The following IGSF3 variants were observed in gnomAD, a reference collection of about 807,000 sequenced individuals.
The protein encoded by IGSF3 is glu-Trp-Ile EWI motif-containing protein 3.
Under a neutral mutation model 114.4 loss-of-function variants are expected in IGSF3, and 23 were observed. That is an observed-to-expected ratio of 0.20 (90% CI 0.14 to 0.28). The LOEUF (loss-of-function observed/expected upper bound fraction) is 0.28, where lower values mean the gene tolerates loss of function less well. Among genes scored for constraint, IGSF3 ranks in the 10% least tolerant of loss-of-function variants. IGSF3 has a pLI of 1.00. For synonymous variants in IGSF3, 571 were observed against 645.2 expected (o/e 0.88, Z 1.74); for missense variants, 1,172 against 1,591.5 (o/e 0.74, Z 4.48).
At position 116,651,851 on chromosome 1, in the gene IGSF3, T is replaced by A. The variant is rs1045248291; in HGVS notation, c.43+14433A>T. On this transcript the variant is annotated intron_variant, in intron 2 of 10. Coordinates refer to ENST00000369486, the MANE Select transcript of IGSF3 (RefSeq NM_001007237.3). The surrounding 1 kb of genome is among the most constrained non-coding windows in gnomAD (Gnocchi z 4.4). Reference sequence around the variant, plus strand: ...GTACAATCCAACTTCAGGATTGTAATTAATTATAAATGCATTTATTTGTTT... The same window carrying A: ...GTACAATCCAACTTCAGGATTGTAAATAATTATAAATGCATTTATTTGTTT... Among the ~76,000 whole-genome samples, 10 of 152,206 alleles carry A rather than the reference T, an allele frequency of 6.6e-5. No individual in the cohort carries two copies. Among genetic ancestry groups the A allele is most frequent in the Non-Finnish European group, 1.5e-4 (10 of 68,034 alleles).
intron 2 of IGSF3, among the ~76,000 whole-genome samples, chr1:116,641,740 G>A (rs1020960806): frequency 1.3e-5 from 2 of 151,818 alleles, no homozygotes; most frequent in Admixed American, 1.3e-4. Flanking sequence ...ATTTTGCACT[G>A]TGTTATTATT....
Position 116,577,156 on chromosome 1 carries a change from G to T in IGSF3, c.*156C>A. On this transcript the variant is annotated 3_prime_UTR_variant, in exon 11 of 11. Transcript: ENST00000369486. This position sits in a 1 kb window ranked among gnomAD's most constrained non-coding sequence, Gnocchi z 5.7. ...CAAGACTGCCACCGAGAGGCAGTCT[G>T]TCTCTGTGACTGACTGGGAACTTGG... 1 of 758,474 alleles carries T rather than the reference G, an allele frequency of 1.3e-6. No individual in the cohort carries two copies. The highest frequency in any genetic ancestry group is 2.1e-6 in the Non-Finnish European group (1 of 479,038). 47.0% of individuals were successfully genotyped at this position (758,474 alleles called of 1,614,324 possible).
chr1:116,656,836 G>A (rs948647091), intron 2 of IGSF3, among the ~76,000 whole-genome samples: 1 of 152,068 alleles, frequency 6.6e-6, no homozygotes, highest in Non-Finnish European at 1.5e-5. Context: ...GCTAAGGCAG[G>A]AGAATCACTC....
In IGSF3 at chr1:116,594,939, C is replaced by G. The variant is rs1660278248; in HGVS notation, c.2029+5002G>C. Among the ~76,000 whole-genome samples the G allele has an allele frequency of 6.6e-6, 1 of 152,060 alleles. No homozygotes were observed. Among genetic ancestry groups the G allele is most frequent in the Non-Finnish European group, 1.5e-5 (1 of 68,022 alleles). On this transcript the variant is annotated intron_variant, in intron 7 of 10. Coordinates refer to ENST00000369486, the MANE Select transcript of IGSF3 (RefSeq NM_001007237.3). This position sits in a 1 kb window ranked among gnomAD's most constrained non-coding sequence, Gnocchi z 5.2. ...CCCCCGTTCATGCCCTGTGCTGGCT[C>G]TGCCTCCACACCTGTAACGCTTTTC...
At chr1:116,652,360 G>A (rs998167016) in intron 2 of IGSF3, among the ~76,000 whole-genome samples, 3 of 152,194 alleles carry the variant, frequency 2.0e-5, no homozygotes, top group Non-Finnish European at 4.4e-5. Flanking sequence ...AGCCTAGTTT[G>A]AGTTACAGTA....
intron 1 of IGSF3, among the ~76,000 whole-genome samples, 177 bp downstream of exon 1, chr1:116,667,441 C>A (rs1649384644): frequency 1.3e-5 from 2 of 152,076 alleles, no homozygotes; most frequent in Non-Finnish European, 2.9e-5. Context: ...CTTTCAGCTG[C>A]CGGAGCGCGC....
rs1020104570 is a variant in IGSF3 at position 116,636,867 on chromosome 1, A to G, written c.44-20410T>C. 3.3e-5 allele frequency among the ~76,000 whole-genome samples: 5 copies of G among 152,176 alleles called. No individual in the cohort carries two copies. The highest frequency in any genetic ancestry group is 5.9e-5 in the Non-Finnish European group (4 of 68,034). ...AAAACAAATTGTGACAAATGGCTCC[A>G]CAGATCTACCGGGCCATGGAGCTGA... On this transcript the variant is annotated intron_variant, in intron 2 of 10. Coordinates refer to ENST00000369486, the MANE Select transcript of IGSF3 (RefSeq NM_001007237.3). The surrounding 1 kb of genome is among the most constrained non-coding windows in gnomAD (Gnocchi z 4.5).
At chr1:116,659,002 G>A (rs1649000317) in intron 2 of IGSF3, among the ~76,000 whole-genome samples, 1 of 152,204 alleles carries the variant, frequency 6.6e-6, no homozygotes, top group South Asian at 2.1e-4. Context: ...ACAGGGTTAG[G>A]TGGAAACTTT....
At position 116,629,447 on chromosome 1, in the gene IGSF3, A is replaced by G. The variant is rs1016517445; in HGVS notation, c.44-12990T>C. On this transcript the variant is annotated intron_variant, in intron 2 of 10. Coordinates refer to ENST00000369486, the MANE Select transcript of IGSF3 (RefSeq NM_001007237.3). The surrounding 1 kb of genome is among the most constrained non-coding windows in gnomAD (Gnocchi z 4.3). ...ATGAATTAGCTTCATAATTAGGACC[A>G]ACAGTCATAAGCAATTTCTCAGACC... 2.0e-5 allele frequency among the ~76,000 whole-genome samples: 3 copies of G among 152,232 alleles called. No individual in the cohort carries two copies. Among genetic ancestry groups the G allele is most frequent in the African/African-American group, 7.2e-5 (3 of 41,462 alleles).
At chr1:116,601,744 T>G (rs952322965) in intron 6 of IGSF3, among the ~76,000 whole-genome samples, 1 of 152,222 alleles carries the variant, frequency 6.6e-6, no homozygotes, top group Non-Finnish European at 1.5e-5. Context: ...TAAAAAAGTT[T>G]ATGACACGGA....
chr1:116,626,090 A>C (rs1172178083), intron 2 of IGSF3, among the ~76,000 whole-genome samples: 2 of 152,224 alleles, frequency 1.3e-5, no homozygotes, highest in East Asian at 3.8e-4. Flanking sequence ...AAATATTTTA[A>C]ACATGCTACT....
intron 2 of IGSF3, among the ~76,000 whole-genome samples, chr1:116,622,731 G>C (rs927315700): frequency 6.6e-6 from 1 of 152,120 alleles, no homozygotes; most frequent in African/African-American, 2.4e-5. Context: ...ACAGTGAATG[G>C]GGTCGATTTC....
intron 4 of IGSF3, among the ~76,000 whole-genome samples, chr1:116,609,241 T>C (rs2101474295): frequency 6.6e-6 from 1 of 152,114 alleles, no homozygotes; most frequent in South Asian, 2.1e-4. Context: ...GTTTTTTTAA[T>C]TTTTATTTAT....
In IGSF3 at chr1:116,644,890, A is replaced by G. The variant is rs867189084; in HGVS notation, c.43+21394T>C. Among the ~76,000 whole-genome samples, 9 of 152,218 alleles carry G rather than the reference A, an allele frequency of 5.9e-5. No homozygotes were observed. Among genetic ancestry groups the G allele is most frequent in the African/African-American group, 2.2e-4 (9 of 41,456 alleles). On this transcript the variant is annotated intron_variant, in intron 2 of 10. Transcript: ENST00000369486. This position sits in a 1 kb window ranked among gnomAD's most constrained non-coding sequence, Gnocchi z 5.6. Reference sequence around the variant, plus strand: ...GGGAAAAGAACCTAGATTAGGCATCAAAAGTACCCGGTCCCCTTCATACAT... The same window carrying G: ...GGGAAAAGAACCTAGATTAGGCATCGAAAGTACCCGGTCCCCTTCATACAT...
At position 116,614,289 on chromosome 1, in the gene IGSF3, C is replaced by A. The variant is rs901989122; in HGVS notation, c.422-114G>T. 6.2e-6 allele frequency: 5 copies of A among 801,358 alleles called. No individual in the cohort carries two copies. The Admixed American group carries it at 7.8e-5, about 12-fold the overall frequency. The allele number at this position is 801,358 out of a possible 1,614,324, so 49.6% of individuals were successfully genotyped here. A position where few individuals can be genotyped will look rare whatever the true frequency, so the allele number is the denominator to read the frequency against. ...ACTGCACTGCGCCCCTAACAGTCAT[C>A]CTTGAACCATCGATTCAAGGCCACA... On this transcript the variant is annotated intron_variant, in intron 3 of 10. Transcript: ENST00000369486. This position sits in a 1 kb window ranked among gnomAD's most constrained non-coding sequence, Gnocchi z 4.5.
intron 7 of IGSF3, among the ~76,000 whole-genome samples, chr1:116,591,207 G>A (rs1157578134): frequency 2.6e-5 from 4 of 152,162 alleles, no homozygotes; most frequent in South Asian, 2.1e-4. Context: ...CTTGCCAGTC[G>A]ACTTTTCAGA....
rs1406282264 is a variant in IGSF3 at position 116,665,853 on chromosome 1, A to G, written c.43+431T>C. Reference sequence around the variant, plus strand: ...TTTCCACCTCAAAAAAGGCACCATCATTATCACCCAAACCAACTTTCGAGA... The same window carrying G: ...TTTCCACCTCAAAAAAGGCACCATCGTTATCACCCAAACCAACTTTCGAGA... On this transcript the variant is annotated intron_variant, in intron 2 of 10. Transcript: ENST00000369486. This position sits in a 1 kb window ranked among gnomAD's most constrained non-coding sequence, Gnocchi z 4.0. 6.6e-6 allele frequency among the ~76,000 whole-genome samples: 1 copy of G among 152,150 alleles called. No individual in the cohort carries two copies. The highest frequency in any genetic ancestry group is 1.5e-5 in the Non-Finnish European group (1 of 68,040).
At chr1:116,587,089 A>G (rs17036023) in intron 8 of IGSF3, among the ~76,000 whole-genome samples, 6,203 of 152,202 alleles carry the variant, frequency 0.041, 408 homozygotes, top group African/African-American at 0.14. Flanking sequence ...GGAGTTTGGT[A>G]TCGGGTTCCA....
rs1177108324 is a variant in IGSF3 at position 116,657,226 on chromosome 1, T to C, written c.43+9058A>G. Among the ~76,000 whole-genome samples the C allele has an allele frequency of 6.6e-6, 1 of 152,170 alleles. No homozygotes were observed. The highest frequency in any genetic ancestry group is 1.5e-5 in the Non-Finnish European group (1 of 68,028). On this transcript the variant is annotated intron_variant, in intron 2 of 10. Transcript: ENST00000369486. This position sits in a 1 kb window ranked among gnomAD's most constrained non-coding sequence, Gnocchi z 4.2. Reference sequence around the variant, plus strand: ...GTGTGATCTGACCCACAGCAAATGATGGCTGCTCAACTCTGCATCTCCTTT... The same window carrying C: ...GTGTGATCTGACCCACAGCAAATGACGGCTGCTCAACTCTGCATCTCCTTT...
Sources: gnomAD v4.1 joint callset for allele counts (sites outside exome capture counted in the v4.1 genomes callset) on GRCh38, gnomAD v4.1.1 for gene constraint, Gnocchi (gnomAD v3.1) non-coding constraint, MANE v1.5 for transcripts, NCBI Gene and HGNC (gene_info 2026-07-23, HGNC 2026-07-21) for gene names.